The following CLNK variants were observed in gnomAD, a reference collection of about 807,000 sequenced individuals.
CLNK encodes cytokine-dependent hematopoietic cell linker.
In CLNK, 74 loss-of-function variants were observed where a neutral mutation model predicts 68.6. The ratio of observed to expected loss-of-function variants is 1.08; its 90% confidence interval spans 0.89 to 1.31. The LOEUF (loss-of-function observed/expected upper bound fraction) is 1.31. Ranked by LOEUF, CLNK falls within the 50% of genes most tolerant of loss-of-function variation. CLNK has a pLI of 0.00. For synonymous variants in CLNK, 198 were observed against 172.2 expected (o/e 1.15, Z -1.17); for missense variants, 553 against 515.3 (o/e 1.07, Z -0.71).
intron 4 of CLNK, among the ~76,000 whole-genome samples, chr4:10,573,104 C>T (rs971869512): frequency 6.6e-6 from 1 of 152,166 alleles, no homozygotes; most frequent in Non-Finnish European, 1.5e-5. Context: ...GCTGGGATTG[C>T]AGGTATGAGC....
At chr4:10,587,970 G>A (rs200216930) in intron 3 of CLNK, among the ~76,000 whole-genome samples, 3 of 152,182 alleles carry the variant, frequency 2.0e-5, no homozygotes, top group East Asian at 1.9e-4. Context: ...CTGGTGAGGA[G>A]CAAATCATTT....
chr4:10,705,525 G>A, the CLNK span, among the ~76,000 whole-genome samples: 1 of 152,146 alleles, frequency 6.6e-6, no homozygotes, highest in Non-Finnish European at 1.5e-5. Context: ...CACTTCTAGA[G>A]GCTGCCCTTG....
At chr4:10,560,122 A>G (rs1229478335) in intron 7 of CLNK, among the ~76,000 whole-genome samples, 2 of 152,172 alleles carry the variant, frequency 1.3e-5, no homozygotes, top group East Asian at 3.9e-4. Context: ...CTCCAATGGC[A>G]CTGGCTACTC....
At chr4:10,602,897 C>A (rs1721642641) in intron 2 of CLNK, among the ~76,000 whole-genome samples, 1 of 152,162 alleles carries the variant, frequency 6.6e-6, no homozygotes, top group Non-Finnish European at 1.5e-5. Context: ...GTGGTGACAA[C>A]CAGTGAGGGG....
At chr4:10,545,408 G>A (rs1719186871) in intron 8 of CLNK, among the ~76,000 whole-genome samples, 1 of 151,732 alleles carries the variant, frequency 6.6e-6, no homozygotes, top group Non-Finnish European at 1.5e-5. Flanking sequence ...ATTTTTTTTT[G>A]ATTCCACGTC....
the CLNK span, among the ~76,000 whole-genome samples, chr4:10,729,844 T>G: frequency 1.3e-5 from 2 of 152,244 alleles, no homozygotes; most frequent in Admixed American, 6.5e-5. Flanking sequence ...ATTAAATGTT[T>G]AAGGTATAAT....
At chr4:10,518,549 G>C (rs1374715165) in intron 15 of CLNK, among the ~76,000 whole-genome samples, 2 of 152,150 alleles carry the variant, frequency 1.3e-5, no homozygotes, top group Non-Finnish European at 2.9e-5. Context: ...CCCAGACTTA[G>C]AGAATAACGT....
At chr4:10,654,206 C>A (rs917721029) in intron 2 of CLNK, among the ~76,000 whole-genome samples, 1 of 151,752 alleles carries the variant, frequency 6.6e-6, no homozygotes, top group Non-Finnish European at 1.5e-5. Context: ...AATGTACTAA[C>A]AAATAATAAT....
intron 4 of CLNK, among the ~76,000 whole-genome samples, chr4:10,583,513 C>A: frequency 6.6e-6 from 1 of 151,696 alleles, no homozygotes; most frequent in Non-Finnish European, 1.5e-5. Flanking sequence ...TCTCAAACTC[C>A]TGACCTTGTG....
chr4:10,634,108 T>C (rs1292308316), intron 2 of CLNK, among the ~76,000 whole-genome samples: 2 of 152,164 alleles, frequency 1.3e-5, no homozygotes, highest in Non-Finnish European at 2.9e-5. Context: ...GTCACTCCCC[T>C]TGGATAATAC....
chr4:10,586,513 C>T (rs904342695), intron 3 of CLNK, among the ~76,000 whole-genome samples: 13 of 151,662 alleles, frequency 8.6e-5, no homozygotes, highest in Admixed American at 2.0e-4. Flanking sequence ...CGGGGTTTCA[C>T]CATGTTGGCC....
At chr4:10,611,879 T>G (rs1649275738) in intron 2 of CLNK, among the ~76,000 whole-genome samples, 1 of 152,124 alleles carries the variant, frequency 6.6e-6, no homozygotes, top group African/African-American at 2.4e-5. Flanking sequence ...GTAGTCACAG[T>G]CCATCTTTGG....
chr4:10,615,441 T>C (rs1224159595), intron 2 of CLNK, among the ~76,000 whole-genome samples: 1 of 151,906 alleles, frequency 6.6e-6, no homozygotes, highest in Non-Finnish European at 1.5e-5. Flanking sequence ...AGCTTGAATC[T>C]GGGAGGCGGA....
At chr4:10,719,895 AC>A in the CLNK span, among the ~76,000 whole-genome samples, 2 of 152,208 alleles carry the variant, frequency 1.3e-5, no homozygotes, top group African/African-American at 4.8e-5. Flanking sequence ...GAAATCAGTA[AC>A]AAAGATACCA....
At chr4:10,720,610 T>G in the CLNK span, among the ~76,000 whole-genome samples, 2 of 146,042 alleles carry the variant, frequency 1.4e-5, no homozygotes. Flanking sequence ...TACTGTACTA[T>G]GAAAACGTAA....
chr4:10,564,209 T>C (rs1289965452), intron 7 of CLNK, among the ~76,000 whole-genome samples: 1 of 151,652 alleles, frequency 6.6e-6, no homozygotes, highest in African/African-American at 2.4e-5. Context: ...GAAATAAGCA[T>C]GGTAGGATTT....
chr4:10,608,380 C>G (rs1208950129), intron 2 of CLNK, among the ~76,000 whole-genome samples: 5 of 152,204 alleles, frequency 3.3e-5, no homozygotes, highest in Non-Finnish European at 4.4e-5. Flanking sequence ...TCTACATCTT[C>G]CAACTCTCCT....
intron 2 of CLNK, among the ~76,000 whole-genome samples, chr4:10,649,916 T>C (rs998058990): frequency 2.0e-5 from 3 of 151,494 alleles, no homozygotes; most frequent in Admixed American, 2.0e-4. Flanking sequence ...AGCAGCAAAG[T>C]GAGAACTAGA....
chr4:10,504,345 C>T (rs990359206), intron 17 of CLNK, among the ~76,000 whole-genome samples: 14 of 152,080 alleles, frequency 9.2e-5, no homozygotes, highest in South Asian at 2.1e-4. Flanking sequence ...TGGTCTCGAT[C>T]TCCTGACCTC....
Sources: allele counts gnomAD v4.1 joint callset (sites outside exome capture counted in the v4.1 genomes callset), GRCh38; gene constraint gnomAD v4.1.1; transcripts MANE v1.5; gene names NCBI Gene and HGNC (gene_info 2026-07-23, HGNC 2026-07-21).